ADAMTS2: variants seen among roughly 807,000 people sequenced by gnomAD.
The protein encoded by ADAMTS2 is A disintegrin and metalloproteinase with thrombospondin motifs 2.
A neutral mutation model predicts 123.0 loss-of-function variants in ADAMTS2; 50 were observed. The ratio of observed to expected loss-of-function variants is 0.41; its 90% confidence interval spans 0.32 to 0.51. ADAMTS2 has a LOEUF of 0.51. Among genes scored for constraint, ADAMTS2 ranks in the 20% least tolerant of loss-of-function variants. ADAMTS2 has a pLI of 0.35. For synonymous variants in ADAMTS2, 678 were observed against 695.4 expected, an observed-to-expected ratio of 0.98 and a Z score of 0.39; for missense variants, 1,494 against 1,705.2, an observed-to-expected ratio of 0.88 and a Z score of 2.18.
chr5:179,143,989 T>C (rs144618136), intron 10 of ADAMTS2, among the ~76,000 whole-genome samples: 2 of 152,304 alleles, frequency 1.3e-5, no homozygotes, highest in African/African-American at 4.8e-5. Context: ...TAAAACAGTA[T>C]ATTATCTTTA....
rs565199768 is a variant in ADAMTS2, at chr5:179,312,788, C to T, written c.534+30979G>A. Among the ~76,000 whole-genome samples the T allele has an allele frequency of 1.3e-5, 2 of 152,356 alleles. No individual in the cohort carries two copies. The highest frequency in any genetic ancestry group is 4.8e-5 in the African/African-American group (2 of 41,582). On this transcript the variant is annotated intron_variant, in intron 2 of 21. Coordinates refer to ENST00000251582, the MANE Select transcript of ADAMTS2 (RefSeq NM_014244.5). This position sits in a 1 kb window ranked among gnomAD's most constrained non-coding sequence, Gnocchi z 4.2. ...CCCAGGACGCATCCTCCCCTAGAGG[C>T]TCCGGAGGGAGCGCGGCCCTGCCGC...
At chr5:179,208,549 C>T (rs537655664) in intron 3 of ADAMTS2, among the ~76,000 whole-genome samples, 17 of 152,276 alleles carry the variant, frequency 1.1e-4, no homozygotes, top group African/African-American at 2.9e-4. Flanking sequence ...GAGTCTGCCC[C>T]GGATATCGTC....
At chr5:179,284,156 C>T (rs1454716318) in intron 2 of ADAMTS2, among the ~76,000 whole-genome samples, 2 of 150,816 alleles carry the variant, frequency 1.3e-5, no homozygotes, top group African/African-American at 4.9e-5. Context: ...TGGTGAAACC[C>T]CGTCTCTACT....
chr5:179,121,852 T>C (rs1430652008), intron 20 of ADAMTS2, 102 bp from the exon 21 acceptor site: 1 of 752,630 alleles, frequency 1.3e-6, no homozygotes, highest in African/African-American at 1.8e-5. Context: ...GGAAGCGTCA[T>C]TCAAGGCCCT....
chr5:179,308,399 GC>G lies in ADAMTS2; in HGVS notation c.535-35336del, dbSNP rs910923981. On this transcript the variant is annotated intron_variant, in intron 2 of 21. Coordinates refer to ENST00000251582, the MANE Select transcript of ADAMTS2 (RefSeq NM_014244.5). This position sits in a 1 kb window ranked among gnomAD's most constrained non-coding sequence, Gnocchi z 6.6. ...AATGCCAGCTGGAAAGGTCACGCAC[GC>G]CAGCTGGAAGGGGAGCCGCGCAGCC... 5.9e-5 allele frequency among the ~76,000 whole-genome samples: 9 copies of G among 152,142 alleles called. No individual in the cohort carries two copies. Among genetic ancestry groups the G allele is most frequent in the Admixed American group, 2.6e-4 (4 of 15,276 alleles).
chr5:179,166,822 G>A (rs1261174709), intron 5 of ADAMTS2, among the ~76,000 whole-genome samples: 1 of 152,172 alleles, frequency 6.6e-6, no homozygotes, highest in Non-Finnish European at 1.5e-5. Flanking sequence ...CCCAGCCCTG[G>A]CCCACGCCTG....
At chr5:179,145,631 T>C (rs1416685387) in intron 10 of ADAMTS2, among the ~76,000 whole-genome samples, 1 of 152,176 alleles carries the variant, frequency 6.6e-6, no homozygotes, top group Non-Finnish European at 1.5e-5. Context: ...TATGATTCCA[T>C]TGATATGAAA....
At chr5:179,137,515 G>T (rs1054334295) in intron 12 of ADAMTS2, among the ~76,000 whole-genome samples, 1 of 152,238 alleles carries the variant, frequency 6.6e-6, no homozygotes, top group Non-Finnish European at 1.5e-5. Flanking sequence ...TGCCGAGCCC[G>T]CAGCCCGGCC....
chr5:179,164,048 C>T (rs1039934951), intron 5 of ADAMTS2, among the ~76,000 whole-genome samples: 6 of 152,176 alleles, frequency 3.9e-5, no homozygotes, highest in African/African-American at 9.7e-5. Context: ...GCAGGGGGTA[C>T]CCCAAGAAGT....
intron 2 of ADAMTS2, among the ~76,000 whole-genome samples, chr5:179,318,181 C>T (rs1757054764): frequency 6.6e-6 from 1 of 152,258 alleles, no homozygotes; most frequent in African/African-American, 2.4e-5. Flanking sequence ...TGAGCTGAGA[C>T]ACTCCCAGCA....
intron 4 of ADAMTS2, among the ~76,000 whole-genome samples, chr5:179,205,835 G>A (rs183818833): frequency 5.3e-5 from 8 of 151,608 alleles, no homozygotes; most frequent in African/African-American, 1.2e-4. Context: ...GCAGTGGTGC[G>A]ATCTCAGCTC....
Position 179,130,134 on chromosome 5 carries a change from AC to A in ADAMTS2, c.2291-37del. 1 of 1,613,286 alleles carries A rather than the reference AC, an allele frequency of 6.2e-7. No individual in the cohort carries two copies. Among genetic ancestry groups the A allele is most frequent in the Non-Finnish European group, 8.5e-7 (1 of 1,179,880 alleles). ...CAAGACCAAGTCCCCCGTTGTGGTC[AC>A]CCAAGAGCAGGACCCAGGCCCACTG... On this transcript the variant is annotated intron_variant, in intron 15 of 21. Coordinates refer to ENST00000251582, the MANE Select transcript of ADAMTS2 (RefSeq NM_014244.5). The surrounding 1 kb of genome is among the most constrained non-coding windows in gnomAD (Gnocchi z 4.3).
At chr5:179,142,549 G>A (rs965214857) in intron 10 of ADAMTS2, among the ~76,000 whole-genome samples, 11 of 152,242 alleles carry the variant, frequency 7.2e-5, no homozygotes, top group Non-Finnish European at 1.5e-4. Context: ...CGCACTAGCT[G>A]TTAGTAGCAG....
intron 3 of ADAMTS2, among the ~76,000 whole-genome samples, chr5:179,216,716 C>T (rs1354944346): frequency 6.6e-6 from 1 of 152,274 alleles, no homozygotes; most frequent in African/African-American, 2.4e-5. Flanking sequence ...TCTCCTTACA[C>T]TGCCAGCGTG....
intron 3 of ADAMTS2, among the ~76,000 whole-genome samples, chr5:179,269,670 GT>G (rs1766476492): frequency 6.6e-6 from 1 of 152,128 alleles, no homozygotes; most frequent in African/African-American, 2.4e-5. Flanking sequence ...TGTTCCTATT[GT>G]TTCAAGCTCC....
intron 10 of ADAMTS2, among the ~76,000 whole-genome samples, chr5:179,149,768 C>T (rs577549107): frequency 1.5e-4 from 23 of 152,330 alleles, no homozygotes; most frequent in Admixed American, 1.2e-3. Flanking sequence ...CCGTCTTCCA[C>T]GTTCCCCCAA....
intron 5 of ADAMTS2, among the ~76,000 whole-genome samples, chr5:179,171,293 C>T (rs1196966039): frequency 6.6e-6 from 1 of 152,162 alleles, no homozygotes; most frequent in Non-Finnish European, 1.5e-5. Flanking sequence ...TCCGGTCCCA[C>T]AGACGCTGCT....
rs551732185 is a variant in ADAMTS2, at chr5:179,317,173, G to T, written c.534+26594C>A. ...AGCCCTCCTGTCACTCTGCCAGCTG[G>T]CAGCAGGGCCACCTCTGAGCATCCT... is the stretch of plus-strand genomic sequence containing the variant. On this transcript the variant is annotated intron_variant, in intron 2 of 21. Transcript: ENST00000251582. This position sits in a 1 kb window ranked among gnomAD's most constrained non-coding sequence, Gnocchi z 4.9. Among the ~76,000 whole-genome samples the T allele has an allele frequency of 3.9e-5, 6 of 152,258 alleles. No individual in the cohort carries two copies. The highest frequency in any genetic ancestry group is 8.8e-5 in the Non-Finnish European group (6 of 68,002).
At chr5:179,248,039 T>C (rs759010470) in intron 3 of ADAMTS2, among the ~76,000 whole-genome samples, 1 of 152,156 alleles carries the variant, frequency 6.6e-6, no homozygotes, top group African/African-American at 2.4e-5. Flanking sequence ...TAATTATAAA[T>C]CTACATTAAT....
Sources: gnomAD v4.1 joint callset for allele counts (sites outside exome capture counted in the v4.1 genomes callset) on GRCh38, gnomAD v4.1.1 for gene constraint, Gnocchi (gnomAD v3.1) non-coding constraint, MANE v1.5 for transcripts, NCBI Gene and HGNC (gene_info 2026-07-23, HGNC 2026-07-21) for gene names.